The following FBXO15 variants were observed in gnomAD, a reference collection of about 807,000 sequenced individuals.
FBXO15 encodes F-box protein 15.
Under a neutral mutation model 49.5 loss-of-function variants are expected in FBXO15, and 30 were observed. The observed-to-expected ratio is 0.61, with a 90% CI of 0.45 to 0.82. The LOEUF is 0.82. FBXO15 is among the 40% of genes least tolerant of loss of function. FBXO15 has a pLI of 0.00. For missense variants in FBXO15, 591 were observed against 631.5 expected, an observed-to-expected ratio of 0.94 and a Z score of 0.69; for synonymous variants, 250 against 232.7, an observed-to-expected ratio of 1.07 and a Z score of -0.68.
intron 8 of FBXO15, among the ~76,000 whole-genome samples, chr18:74,119,487 T>G (rs1256275477): frequency 6.6e-6 from 1 of 152,094 alleles, no homozygotes; most frequent in East Asian, 1.9e-4. Context: ...TGATAGACAG[T>G]GCTATGAAGA....
intron 1 of FBXO15, among the ~76,000 whole-genome samples, chr18:74,145,989 G>A (rs1245089494): frequency 6.6e-6 from 1 of 152,156 alleles, no homozygotes; most frequent in Non-Finnish European, 1.5e-5. Flanking sequence ...AAGGTTAAGT[G>A]TAGACATACA....
intron 8 of FBXO15, among the ~76,000 whole-genome samples, chr18:74,084,663 G>C (rs967959020): frequency 6.6e-6 from 1 of 152,078 alleles, no homozygotes; most frequent in Non-Finnish European, 1.5e-5. Flanking sequence ...CAATACACAA[G>C]ACCATCTGCA....
In FBXO15 at chr18:74,130,588, C is replaced by G. The variant is rs746808249; in HGVS notation, c.403G>C (p.Glu135Gln). 1 of 1,614,094 alleles carries G rather than the reference C, an allele frequency of 6.2e-7. No homozygotes were observed. Among genetic ancestry groups the G allele is most frequent in the South Asian group, 1.1e-5 (1 of 91,054 alleles). The change falls in exon 4 of 10, where the codon GAG (glutamate) becomes CAG (glutamine). Residue 135 changes from glutamate (E) to glutamine (Q), a missense_variant. Transcript: ENST00000419743. ...AAGCTCATAGACATAGCTATCTTCT[C>G]TACTGAATTAAATTTCCAATTTGAT... Reference protein sequence around the residue: ...ARSNWKFNSVEKIAMSMSFLS... With the variant: ...ARSNWKFNSVQKIAMSMSFLS...
At chr18:74,129,653 T>TA in intron 4 of FBXO15, 39 bp from the exon 5 acceptor site, 2 of 1,526,420 alleles carry the variant, frequency 1.3e-6, no homozygotes, top group South Asian at 1.2e-5. Context: ...TTTGCCTCAT[T>TA]GAAAAAAAAA....
At chr18:74,088,590 G>C (rs914656693) in intron 8 of FBXO15, among the ~76,000 whole-genome samples, 8 of 152,182 alleles carry the variant, frequency 5.3e-5, no homozygotes, top group Admixed American at 3.3e-4. Flanking sequence ...GTACCATGCT[G>C]TTTTGGCTAC....
At chr18:74,117,777 T>C (rs2145177978) in intron 8 of FBXO15, among the ~76,000 whole-genome samples, 1 of 152,318 alleles carries the variant, frequency 6.6e-6, no homozygotes, top group Non-Finnish European at 1.5e-5. Context: ...TATTATCGTA[T>C]TCATCATTAT....
chr18:74,130,765 T>C, intron 3 of FBXO15, 107 bp from the exon 4 acceptor site: 1 of 1,219,162 alleles, frequency 8.2e-7, no homozygotes, highest in Non-Finnish European at 1.1e-6. Flanking sequence ...ATTCCATGAA[T>C]AAGCCAAGCT....
intron 4 of FBXO15, 97 bp downstream of exon 4, chr18:74,130,319 C>T: frequency 3.4e-6 from 5 of 1,473,500 alleles, no homozygotes; most frequent in Admixed American, 2.2e-5. Flanking sequence ...CACAAAAATA[C>T]TAGAGACAGT....
intron 8 of FBXO15, among the ~76,000 whole-genome samples, chr18:74,093,854 A>C (rs1304521127): frequency 6.6e-6 from 1 of 152,232 alleles, no homozygotes; most frequent in Non-Finnish European, 1.5e-5. Context: ...CCTTTCTGAA[A>C]GGTTTTCAAT....
In FBXO15 at chr18:74,073,438, C is replaced by T. The variant is rs1440924288; in HGVS notation, c.*23G>A. On this transcript the variant is annotated 3_prime_UTR_variant, in exon 10 of 10. Transcript: ENST00000419743. ...CAGTCAAAAATAAACAACTAAATAA[C>T]AACAATAATTTGCCACCTACTGCTA... 1.3e-6 allele frequency: 2 copies of T among 1,598,466 alleles called. No individual in the cohort carries two copies. Among genetic ancestry groups the T allele is most frequent in the Non-Finnish European group, 1.7e-6 (2 of 1,172,424 alleles).
At position 74,107,296 on chromosome 18, in the gene FBXO15, G is replaced by A. The variant is rs149309217; in HGVS notation, c.1138+16072C>T. On this transcript the variant is annotated intron_variant, in intron 8 of 9. Coordinates refer to ENST00000419743, the MANE Select transcript of FBXO15 (RefSeq NM_001142958.2). ...ACCAAAGAACAGAGAAACAAATACC[G>A]CATGATCCCACTTATATGTGGAATT... Among the ~76,000 whole-genome samples the A allele has an allele frequency of 2.1e-4, 32 of 151,468 alleles. No individual in the cohort carries two copies. The East Asian group carries it at 2.3e-3, about 11-fold the overall frequency.
chr18:74,076,881 G>A (rs906801692), intron 9 of FBXO15, among the ~76,000 whole-genome samples: 1 of 152,090 alleles, frequency 6.6e-6, no homozygotes, highest in Non-Finnish European at 1.5e-5. Context: ...CATGCCCCCA[G>A]CTGACAAAGA....
chr18:74,145,962 C>T (rs1039080880), intron 1 of FBXO15, among the ~76,000 whole-genome samples: 2 of 152,070 alleles, frequency 1.3e-5, no homozygotes, highest in Admixed American at 1.3e-4. Context: ...TGTTTTTATG[C>T]GAATCTATAC....
chr18:74,111,220 C>T (rs1007456715), intron 8 of FBXO15, among the ~76,000 whole-genome samples: 1 of 146,674 alleles, frequency 6.8e-6, no homozygotes, highest in South Asian at 2.1e-4. Context: ...AATCCCAGCA[C>T]TTGGGAGGCC....
At chr18:74,139,251 G>A (rs913795537) in intron 2 of FBXO15, among the ~76,000 whole-genome samples, 11 of 152,120 alleles carry the variant, frequency 7.2e-5, no homozygotes, top group Admixed American at 1.3e-4. Context: ...CTGCCTCCCC[G>A]ACTAATCATC....
At chr18:74,088,995 C>G (rs559053019) in intron 8 of FBXO15, among the ~76,000 whole-genome samples, 15 of 152,142 alleles carry the variant, frequency 9.9e-5, no homozygotes, top group Non-Finnish European at 1.9e-4. Context: ...AATTTAAGTT[C>G]TGGGATACAT....
At chr18:74,090,599 T>C (rs1912981912) in intron 8 of FBXO15, among the ~76,000 whole-genome samples, 2 of 152,202 alleles carry the variant, frequency 1.3e-5, no homozygotes, top group African/African-American at 2.4e-5. Context: ...TTTTGATATA[T>C]TGTATCTTTG....
At chr18:74,105,300 C>T (rs1913703300) in intron 8 of FBXO15, among the ~76,000 whole-genome samples, 1 of 152,084 alleles carries the variant, frequency 6.6e-6, no homozygotes, top group African/African-American at 2.4e-5. Context: ...TTAAATAATT[C>T]AAATGTTTCT....
intron 9 of FBXO15, 137 bp from the exon 10 acceptor site, chr18:74,073,867 T>C: frequency 1.9e-6 from 2 of 1,078,068 alleles, no homozygotes; most frequent in Non-Finnish European, 1.3e-6. Flanking sequence ...TGGTTTTTCA[T>C]GGCCTACTTC....
Sources: gnomAD v4.1 joint callset for allele counts (sites outside exome capture counted in the v4.1 genomes callset) on GRCh38, gnomAD v4.1.1 for gene constraint, MANE v1.5 for transcripts, NCBI Gene and HGNC (gene_info 2026-07-23, HGNC 2026-07-21) for gene names.